The following FUT8 variants were observed in gnomAD, a reference collection of about 807,000 sequenced individuals.
FUT8 encodes alpha-(1,6)-fucosyltransferase.
A neutral mutation model predicts 71.3 loss-of-function variants in FUT8; 29 were observed. The ratio of observed to expected loss-of-function variants is 0.41; its 90% CI spans 0.30 to 0.55. FUT8 has a LOEUF of 0.55. Ranked by LOEUF, FUT8 falls within the 20% of genes least tolerant of loss-of-function variation. The pLI, the probability that FUT8 is intolerant of heterozygous loss-of-function variation, is 0.34. For synonymous variants in FUT8, 254 were observed against 239.3 expected, an observed-to-expected ratio of 1.06 and a Z score of -0.57; for missense variants, 544 against 702.1, an observed-to-expected ratio of 0.77 and a Z score of 2.55.
rs868708808 is a variant in FUT8 at position 65,581,286 on chromosome 14, G to T, written c.203+19520G>T. ...CTGTCCTAAAGTACAATAACATTTT[G>T]ATATTTAAATTACCGACAGAGAAAA... On this transcript the variant is annotated intron_variant, in intron 3 of 10. Coordinates refer to ENST00000673929, the MANE Select transcript of FUT8 (RefSeq NM_001371533.1). Among the ~76,000 whole-genome samples the T allele has an allele frequency of 3.9e-5, 6 of 152,130 alleles. 1 individual carries two copies. In the South Asian group the frequency reaches 1.2e-3, roughly 32 times the overall value.
chr14:65,405,461 C>T, the FUT8 span, among the ~76,000 whole-genome samples: 1 of 152,106 alleles, frequency 6.6e-6, no homozygotes, highest in Admixed American at 6.6e-5. Flanking sequence ...ACTTGATGGT[C>T]ATATTCTTAG....
Position 65,539,042 on chromosome 14 carries a change from C to T in FUT8, c.-227-22295C>T, listed in dbSNP as rs763714688. Among the ~76,000 whole-genome samples, 11 of 152,260 alleles carry T rather than the reference C, an allele frequency of 7.2e-5. No individual in the cohort carries two copies. In the Middle Eastern group the frequency reaches 0.01, roughly 141 times the overall value. On this transcript the variant is annotated intron_variant, in intron 2 of 10. Transcript: ENST00000673929. ...TCTGCTGGCCGATATAAAATGAAGACATTTAATTATTCAAGATCTTTTAGA... is the reference window on the plus strand; with the variant it reads ...TCTGCTGGCCGATATAAAATGAAGATATTTAATTATTCAAGATCTTTTAGA...
At chr14:65,531,861 A>T (rs1883978453) in intron 2 of FUT8, among the ~76,000 whole-genome samples, 1 of 152,156 alleles carries the variant, frequency 6.6e-6, no homozygotes. Context: ...TATAAGTGAG[A>T]ACATGTGGTA....
intron 1 of FUT8, among the ~76,000 whole-genome samples, chr14:65,439,770 C>T (rs896640173): frequency 2.1e-4 from 32 of 151,706 alleles, no homozygotes; most frequent in African/African-American, 7.5e-4. Flanking sequence ...CAAAAGCCTC[C>T]TAGTGTTGAG....
intron 3 of FUT8, among the ~76,000 whole-genome samples, chr14:65,614,367 A>G (rs1889170988): frequency 6.6e-6 from 1 of 152,226 alleles, no homozygotes; most frequent in African/African-American, 2.4e-5. Context: ...CAGCTATTTA[A>G]TCTTTAGGAC....
At chr14:65,449,365 T>C (rs1472452677) in intron 1 of FUT8, among the ~76,000 whole-genome samples, 2 of 152,260 alleles carry the variant, frequency 1.3e-5, no homozygotes, top group Non-Finnish European at 2.9e-5. Context: ...TTTGTTCACT[T>C]ATTCCTAGAA....
intron 8 of FUT8, 71 bp downstream of exon 8, chr14:65,722,092 G>A: frequency 6.5e-7 from 1 of 1,550,164 alleles, no homozygotes; most frequent in Non-Finnish European, 8.7e-7. Context: ...ACAATATATT[G>A]TGAATTTTAC....
the FUT8 span, among the ~76,000 whole-genome samples, chr14:65,372,296 G>A: frequency 2.6e-5 from 4 of 152,066 alleles, no homozygotes; most frequent in Admixed American, 6.6e-5. Flanking sequence ...ATCTTCCAAC[G>A]CTTCTAGTAA....
chr14:65,457,695 A>G (rs182886488), intron 2 of FUT8, among the ~76,000 whole-genome samples: 100 of 152,262 alleles, frequency 6.6e-4, no homozygotes, highest in African/African-American at 2.3e-3. Context: ...GGCTGCATGC[A>G]CTGGTGGTCA....
At chr14:65,527,206 G>A (rs1883544913) in intron 2 of FUT8, among the ~76,000 whole-genome samples, 1 of 152,200 alleles carries the variant, frequency 6.6e-6, no homozygotes, top group Non-Finnish European at 1.5e-5. Flanking sequence ...ATGCCAATCA[G>A]ACGTAGATTT....
chr14:65,686,441 A>G (rs1893289895), intron 7 of FUT8, among the ~76,000 whole-genome samples: 1 of 152,200 alleles, frequency 6.6e-6, no homozygotes, highest in Non-Finnish European at 1.5e-5. Flanking sequence ...GAAAGCACCC[A>G]TTATCATGGA....
intron 2 of FUT8, among the ~76,000 whole-genome samples, chr14:65,481,327 C>G (rs1420872857): frequency 6.6e-6 from 1 of 151,952 alleles, no homozygotes; most frequent in East Asian, 1.9e-4. Flanking sequence ...TTTAGGGATA[C>G]TTTTTAAAGA....
chr14:65,658,782 A>G (rs1383758508), intron 6 of FUT8, among the ~76,000 whole-genome samples: 3 of 152,014 alleles, frequency 2.0e-5, no homozygotes, highest in Non-Finnish European at 1.5e-5. Flanking sequence ...CTAAATTGGA[A>G]GTATAAGGGG....
chr14:65,596,935 T>C (rs994980507), intron 3 of FUT8, among the ~76,000 whole-genome samples: 14 of 152,236 alleles, frequency 9.2e-5, no homozygotes, highest in African/African-American at 2.9e-4. Flanking sequence ...ATATTCCTTA[T>C]AATCCTTTTA....
rs1896576311 is a variant in FUT8, at chr14:65,742,933, T to G, written c.*523T>G. 1 of 152,386 alleles carries G rather than the reference T, an allele frequency of 6.6e-6. No individual in the cohort carries two copies. Among genetic ancestry groups the G allele is most frequent in the African/African-American group, 2.4e-5 (1 of 41,250 alleles). The allele number at this position is 152,386 out of a possible 1,614,324, so 9.4% of individuals were successfully genotyped here. Reference sequence around the variant, plus strand: ...GGTTTTTTTTTGTTTTTGTTTTTGTTTTTTCCTTTATAAGGTTGTCTGTTT... The same window carrying G: ...GGTTTTTTTTTGTTTTTGTTTTTGTGTTTTCCTTTATAAGGTTGTCTGTTT... On this transcript the variant is annotated 3_prime_UTR_variant, in exon 11 of 11. Transcript: ENST00000673929.
intron 2 of FUT8, among the ~76,000 whole-genome samples, chr14:65,554,433 TTA>T (rs34853473): frequency 9.8e-5 from 14 of 143,498 alleles, no homozygotes; most frequent in African/African-American, 3.3e-4. Context: ...TATATATATA[TTA>T]TATATATATA....
chr14:65,525,787 A>G (rs1268395437), intron 2 of FUT8, among the ~76,000 whole-genome samples: 4 of 152,208 alleles, frequency 2.6e-5, no homozygotes, highest in Admixed American at 2.6e-4. Context: ...GTTTCAAAGA[A>G]CATCTTTATT....
In FUT8 at chr14:65,561,348, C is replaced by G; in HGVS notation, c.-216C>G. ...TACTCTTTCCACAGCATGTAGAGCG[C>G]ATGAAGTACAGGACAATAAAGCTTC... On this transcript the variant is annotated 5_prime_UTR_variant, in exon 3 of 11. Transcript: ENST00000673929. 1.8e-6 allele frequency: 1 copy of G among 547,754 alleles called. No individual in the cohort carries two copies. Among genetic ancestry groups the G allele is most frequent in the Non-Finnish European group, 3.3e-6 (1 of 306,746 alleles). 33.9% of individuals were successfully genotyped at this position (547,754 alleles called of 1,614,324 possible). A position where few individuals can be genotyped will look rare whatever the true frequency, so the allele number is the denominator to read the frequency against.
chr14:65,611,150 T>G (rs1490506525), intron 3 of FUT8, among the ~76,000 whole-genome samples: 1 of 148,026 alleles, frequency 6.8e-6, no homozygotes, highest in East Asian at 2.0e-4. Flanking sequence ...TAAGAATGAT[T>G]TTCCATTTTT....
Sources: gnomAD v4.1 joint callset for allele counts (sites outside exome capture counted in the v4.1 genomes callset) on GRCh38, gnomAD v4.1.1 for gene constraint, MANE v1.5 for transcripts, NCBI Gene and HGNC (gene_info 2026-07-23, HGNC 2026-07-21) for gene names.